Variants in PTDSS1 observed in about 807,000 individuals in gnomAD.
PTDSS1 encodes phosphatidylserine synthase 1.
Under a neutral mutation model 70.5 loss-of-function variants are expected in PTDSS1, and 45 were observed. The observed-to-expected ratio is 0.64, with a 90% confidence interval of 0.50 to 0.82. The LOEUF (loss-of-function observed/expected upper bound fraction) is 0.82. PTDSS1 is among the 40% of genes least tolerant of loss of function. The pLI, the probability that PTDSS1 is intolerant of heterozygous loss-of-function variation, is 0.00. For missense variants in PTDSS1, 417 were observed against 586.1 expected, an observed-to-expected ratio of 0.71 and a Z score of 2.98; for synonymous variants, 188 against 203.8, an observed-to-expected ratio of 0.92 and a Z score of 0.66.
chr8:96,331,646 T>C (rs1406335735), intron 12 of PTDSS1, among the ~76,000 whole-genome samples: 1 of 151,392 alleles, frequency 6.6e-6, no homozygotes. Flanking sequence ...AAAGACTTGG[T>C]TTGTAAGAAG....
chr8:96,282,302 A>G (rs1046292788), intron 2 of PTDSS1, among the ~76,000 whole-genome samples: 2 of 152,198 alleles, frequency 1.3e-5, no homozygotes, highest in East Asian at 3.9e-4. Flanking sequence ...TGAGTTTCCC[A>G]ATGACTTGAC....
Position 96,287,038 on chromosome 8 carries a change from C to T in PTDSS1, c.333C>T (p.Tyr111=), listed in dbSNP as rs1810832233. The part of the protein sequence containing the change: ...WRMVFGLSVL[Y]FLFLVFLLFL... ...TTCTCTCAGGACTCAGTGTGCTCTA[C>T]TTCCTGTTCCTGGTATTCCTACTCT... is the stretch of plus-strand genomic sequence containing the variant. Residue 111 remains tyrosine, a synonymous_variant, in exon 4 of 13, where the codon TAC becomes TAT. Transcript: ENST00000517309. The T allele has an allele frequency of 6.2e-7, 1 of 1,613,966 alleles. No homozygotes were observed. The highest frequency in any genetic ancestry group is 8.5e-7 in the Non-Finnish European group (1 of 1,179,948).
At chr8:96,279,003 T>C (rs565263544) in intron 2 of PTDSS1, among the ~76,000 whole-genome samples, 22 of 138,864 alleles carry the variant, frequency 1.6e-4, no homozygotes, top group Non-Finnish European at 3.2e-4. Context: ...AGACAGAGTC[T>C]CACTCTGCCC....
Position 96,331,064 on chromosome 8 carries a change from G to C in PTDSS1, c.1281G>C (p.Glu427Asp). Residue 427 changes from glutamate to aspartate, a missense_variant, in exon 12 of 13, where the codon GAG becomes GAC. Around this residue, in one of 3 missense-constraint regions of PTDSS1, gnomAD observed 107 missense variants for 122.3 expected, o/e 0.88. Coordinates refer to ENST00000517309, the MANE Select transcript of PTDSS1 (RefSeq NM_014754.3). ...GTGAAGATGGCACCTACAGTCCAGA[G>C]ATCTCCTGGCATCACAGGAAAGGGA... Reference protein sequence around the residue: ...SECEDGTYSPEISWHHRKGTK... With the variant: ...SECEDGTYSPDISWHHRKGTK... 6.2e-7 allele frequency: 1 copy of C among 1,613,492 alleles called. No individual in the cohort carries two copies. The highest frequency in any genetic ancestry group is 8.5e-7 in the Non-Finnish European group (1 of 1,179,476).
chr8:96,288,707 GCAACCTTGGCCTCC>G (rs1203019795), intron 4 of PTDSS1, among the ~76,000 whole-genome samples: 1 of 137,566 alleles, frequency 7.3e-6, no homozygotes, highest in Non-Finnish European at 1.5e-5. Flanking sequence ...TCAGCTCACT[GCAACCTTGGCCTCC>G]CAGGATCAAG....
intron 9 of PTDSS1, among the ~76,000 whole-genome samples, chr8:96,318,957 C>T (rs576159382): frequency 3.2e-5 from 4 of 125,568 alleles, no homozygotes; most frequent in East Asian, 2.4e-4. Context: ...GTCGCCCAGG[C>T]TGGAGTGCAG....
rs758628059 is a variant in PTDSS1 at position 96,299,699 on chromosome 8, C to T, written c.606C>T (p.Phe202=). ...TGGGCTCTTGTGTTTCTCAGCTCTT[C>T]TTCATGCATCTCCTCCCCAATTTTG... ...ISITWELTEL[F]FMHLLPNFAE... The change falls in exon 6 of 13, where the codon TTC becomes TTT. Residue 202 remains phenylalanine (F), a synonymous_variant. Coordinates refer to ENST00000517309, the MANE Select transcript of PTDSS1 (RefSeq NM_014754.3). 8 of 1,609,652 alleles carry T rather than the reference C, an allele frequency of 5.0e-6. No individual in the cohort carries two copies. In the South Asian group the frequency reaches 8.9e-5, roughly 18 times the overall value.
rs147026616 is a variant in PTDSS1 at position 96,288,380 on chromosome 8, A to C, written c.441+1234A>C. ...CACTCTGTTGCCTAGGCTGGAGTGC[A>C]GTGGCACAATCTCGGCTCACTGCAG... On this transcript the variant is annotated intron_variant, in intron 4 of 12. Coordinates refer to ENST00000517309, the MANE Select transcript of PTDSS1 (RefSeq NM_014754.3). Among the ~76,000 whole-genome samples the C allele has an allele frequency of 8.9e-3, 1,347 of 152,182 alleles. 10 individuals are homozygous for C. Among genetic ancestry groups the C allele is most frequent in the Middle Eastern group, 0.048 (14 of 294 alleles).
chr8:96,277,192 G>A (rs548790232), intron 2 of PTDSS1, among the ~76,000 whole-genome samples: 7 of 152,244 alleles, frequency 4.6e-5, no homozygotes, highest in Non-Finnish European at 7.3e-5. Flanking sequence ...CTGTGTTTAC[G>A]TCGTTTGTTT....
At chr8:96,293,854 G>T (rs1810940371) in intron 4 of PTDSS1, among the ~76,000 whole-genome samples, 2 of 152,062 alleles carry the variant, frequency 1.3e-5, no homozygotes, top group Admixed American at 1.3e-4. Flanking sequence ...GACATTTGAG[G>T]TTGACTGGAC....
At chr8:96,294,323 C>T (rs1186667983) in intron 4 of PTDSS1, among the ~76,000 whole-genome samples, 1 of 152,044 alleles carries the variant, frequency 6.6e-6, no homozygotes, top group Non-Finnish European at 1.5e-5. Context: ...TTACTACTGC[C>T]TGTCAAATTA....
chr8:96,296,155 T>TA, intron 5 of PTDSS1, among the ~76,000 whole-genome samples: 3 of 146,698 alleles, frequency 2.0e-5, no homozygotes, highest in Non-Finnish European at 4.5e-5. Flanking sequence ...TTTTTTTTTT[T>TA]TTTGCGACAG....
At chr8:96,280,985 A>G (rs1363845355) in intron 2 of PTDSS1, among the ~76,000 whole-genome samples, 2 of 152,122 alleles carry the variant, frequency 1.3e-5, no homozygotes, top group Admixed American at 6.5e-5. Context: ...TGTTCACAGG[A>G]TGCTACAGAT....
intron 9 of PTDSS1, among the ~76,000 whole-genome samples, chr8:96,313,702 A>T (rs926181267): frequency 6.6e-6 from 1 of 152,156 alleles, no homozygotes; most frequent in Non-Finnish European, 1.5e-5. Context: ...TCCCAGAGGC[A>T]GCCAGAGCTG....
chr8:96,264,385 G>A (rs1232477106), intron 1 of PTDSS1, among the ~76,000 whole-genome samples: 1 of 152,206 alleles, frequency 6.6e-6, no homozygotes, highest in Non-Finnish European at 1.5e-5. Context: ...TGATTTCATT[G>A]AATGCTACTG....
intron 8 of PTDSS1, 96 bp from the exon 9 acceptor site, chr8:96,309,461 G>A: frequency 9.2e-7 from 1 of 1,092,808 alleles, no homozygotes. Flanking sequence ...CATGGGACAA[G>A]GAGGGACGTT....
rs33916906 is a variant in PTDSS1 at position 96,317,071 on chromosome 8, G to GTGTGTATATA, written c.1074-3174_1074-3173insGTGTATATAT. ...TGTATATATATATGTGTGTGTGTGT[G>GTGTGTATATA]TATATATATATGGAGAGAGAGAGAG... On this transcript the variant is annotated intron_variant, in intron 9 of 12. Transcript: ENST00000517309. Among the ~76,000 whole-genome samples, 23 of 148,620 alleles carry GTGTGTATATA rather than the reference G, an allele frequency of 1.5e-4. No homozygotes were observed. The South Asian group carries it at 2.7e-3, about 18-fold the overall frequency.
chr8:96,284,009 C>A, intron 2 of PTDSS1, 100 bp from the exon 3 acceptor site: 1 of 939,352 alleles, frequency 1.1e-6, no homozygotes, highest in Non-Finnish European at 1.6e-6. Context: ...CAGTAGAGAG[C>A]TTTTTCTTCT....
Position 96,262,519 on chromosome 8 carries a change from TCC to T in PTDSS1, c.179+301_179+302del, listed in dbSNP as rs921601126. On this transcript the variant is annotated intron_variant, in intron 1 of 12. Transcript: ENST00000517309. This position sits in a 1 kb window ranked among gnomAD's most constrained non-coding sequence, Gnocchi z 4.4. ...CCTCACCCACCGCACTCAGCATCGC[TCC>T]ACACAACATCACGACGCGGGCCCCT... Among the ~76,000 whole-genome samples, 4 of 151,892 alleles carry T rather than the reference TCC, an allele frequency of 2.6e-5. No homozygotes were observed. The highest frequency in any genetic ancestry group is 5.9e-5 in the Non-Finnish European group (4 of 67,962).
Sources: gnomAD v4.1 joint callset for allele counts (sites outside exome capture counted in the v4.1 genomes callset) on GRCh38, gnomAD v4.1.1 for gene constraint, gnomAD v4.1.1 regional missense constraint, Gnocchi (gnomAD v3.1) non-coding constraint, MANE v1.5 for transcripts, NCBI Gene and HGNC (gene_info 2026-07-23, HGNC 2026-07-21) for gene names.